Variants in HIVEP2 observed in about 807,000 individuals in gnomAD.
HIVEP2 encodes the protein transcription factor HIVEP2.
A neutral mutation model predicts 180.7 loss-of-function variants in HIVEP2; 14 were observed. The observed-to-expected ratio is 0.08, with a 90% confidence interval of 0.05 to 0.12. The LOEUF (loss-of-function observed/expected upper bound fraction) is 0.12, where lower values mean the gene tolerates loss of function less well. Ranked by LOEUF, HIVEP2 falls within the 10% of genes least tolerant of loss-of-function variation. The pLI is 1.00. For missense variants in HIVEP2, 2,579 were observed against 3,008.5 expected, an observed-to-expected ratio of 0.86 and a Z score of 3.34; for synonymous variants, 1,184 against 1,136.4, an observed-to-expected ratio of 1.04 and a Z score of -0.84.
At chr6:142,858,279 T>C (rs1359766351) in intron 1 of HIVEP2, among the ~76,000 whole-genome samples, 1 of 152,146 alleles carries the variant, frequency 6.6e-6, no homozygotes, top group Admixed American at 6.5e-5. Context: ...TCCTGGTGCC[T>C]GACCCCCTCA....
intron 1 of HIVEP2, among the ~76,000 whole-genome samples, chr6:142,866,364 C>T (rs753171505): frequency 2.2e-4 from 34 of 152,220 alleles, no homozygotes; most frequent in Admixed American, 4.6e-4. Context: ...TAATAAATCA[C>T]TGAGCATAAT....
rs1040250962 is a variant in HIVEP2 at position 142,810,853 on chromosome 6, C to T, written c.-528+26082G>A. Among the ~76,000 whole-genome samples the T allele has an allele frequency of 3.3e-5, 5 of 150,126 alleles. No individual in the cohort carries two copies. The South Asian group carries it at 1.1e-3, about 32-fold the overall frequency. ...TAAGGCTATAGGATCTGTCTTCAAA[C>T]TGATTTCTGCTTCATGGTTTTCCAA... is the stretch of plus-strand genomic sequence containing the variant. On this transcript the variant is annotated intron_variant, in intron 2 of 9. Transcript: ENST00000367603.
At chr6:142,866,604 C>G (rs952935387) in intron 1 of HIVEP2, among the ~76,000 whole-genome samples, 2 of 152,118 alleles carry the variant, frequency 1.3e-5, no homozygotes, top group African/African-American at 4.8e-5. Context: ...AGCATTTAGT[C>G]TGGGAGATTC....
intron 2 of HIVEP2, among the ~76,000 whole-genome samples, chr6:142,822,393 C>G (rs1777064635): frequency 6.6e-6 from 1 of 152,072 alleles, no homozygotes; most frequent in Non-Finnish European, 1.5e-5. Context: ...AGATATAGTG[C>G]AGGTCTAATA....
rs766251373 is a variant in HIVEP2, at chr6:142,759,961, C to T, written c.6327G>A (p.Arg2109=). The T allele has an allele frequency of 1.9e-6, 3 of 1,613,910 alleles. No individual in the cohort carries two copies. The highest frequency in any genetic ancestry group is 2.5e-6 in the Non-Finnish European group (3 of 1,179,938). ...ACACTGGCCTCCTTGGAGACAAATG[C>T]CTTCTTGGTGAAACATCTCTTTGGG... ...EMSQRDVSPR[R]HLSPRRPVSP... The change falls in exon 9 of 10, where the codon AGG becomes AGA. Residue 2109 remains arginine, a synonymous_variant. Transcript: ENST00000367603.
intron 1 of HIVEP2, among the ~76,000 whole-genome samples, chr6:142,853,995 A>T (rs1360514486): frequency 6.6e-6 from 1 of 152,016 alleles, no homozygotes; most frequent in Non-Finnish European, 1.5e-5. Context: ...GTTGCCATTC[A>T]CTCTGTCACT....
chr6:142,910,127 G>A (rs78506227), intron 1 of HIVEP2, among the ~76,000 whole-genome samples: 1,561 of 152,292 alleles, frequency 0.01, 11 homozygotes, highest in Non-Finnish European at 0.015. Flanking sequence ...AACAAGCTCT[G>A]AGTGAAGGCT....
At chr6:142,834,219 T>A in intron 2 of HIVEP2, among the ~76,000 whole-genome samples, 1 of 152,100 alleles carries the variant, frequency 6.6e-6, no homozygotes, top group East Asian at 1.9e-4. Flanking sequence ...TATAAAGGCA[T>A]ATCAAAGAGA....
intron 2 of HIVEP2, among the ~76,000 whole-genome samples, chr6:142,825,202 T>C (rs1274749657): frequency 6.6e-6 from 1 of 152,152 alleles, no homozygotes; most frequent in Non-Finnish European, 1.5e-5. Flanking sequence ...AGTATTTGTT[T>C]AAAGATCTCT....
chr6:142,892,562 G>A (rs12196051), intron 1 of HIVEP2, among the ~76,000 whole-genome samples: 6,829 of 152,260 alleles, frequency 0.045, 204 homozygotes, highest in Middle Eastern at 0.088. Context: ...TTAATGATAA[G>A]ACAGAAGTGA....
At chr6:142,851,012 G>GA (rs1205474207) in intron 1 of HIVEP2, among the ~76,000 whole-genome samples, 1 of 151,898 alleles carries the variant, frequency 6.6e-6, no homozygotes, top group East Asian at 1.9e-4. Flanking sequence ...AAAAATTCAG[G>GA]AAAAAAAGTG....
At chr6:142,790,349 T>C (rs1254716528) in intron 2 of HIVEP2, among the ~76,000 whole-genome samples, 2 of 152,226 alleles carry the variant, frequency 1.3e-5, no homozygotes, top group Non-Finnish European at 2.9e-5. Flanking sequence ...TTCCCATTTT[T>C]ATTTTTTTCC....
chr6:142,898,670 A>T (rs1777059257), intron 1 of HIVEP2, among the ~76,000 whole-genome samples: 1 of 152,144 alleles, frequency 6.6e-6, no homozygotes, highest in Non-Finnish European at 1.5e-5. Flanking sequence ...AAATAAATGA[A>T]TTAAAATTAA....
At position 142,771,524 on chromosome 6, in the gene HIVEP2, G is replaced by T. The variant is rs765548302; in HGVS notation, c.3215C>A (p.Ser1072Tyr). The change falls in exon 5 of 10, where the codon TCC becomes TAC. Residue 1072 changes from serine (S) to tyrosine (Y), a missense_variant. Physicochemically the swap from Ser to Tyr is moderately radical, Grantham distance 144 (BLOSUM62 -2). Coordinates refer to ENST00000367603, the MANE Select transcript of HIVEP2 (RefSeq NM_006734.4). This position sits in a 1 kb window ranked among gnomAD's most constrained non-coding sequence, Gnocchi z 5.4. The stretch of plus-strand genomic sequence containing the variant: ...CAGAAAGCATTTCTTCCTCTCCCTG[G>T]ACGGTGATACCGTGGAGGCTGCTGC... ...SGAAASTVSP[S>Y]RERKKCFLVR... The T allele has an allele frequency of 1.5e-5, 25 of 1,613,760 alleles. No individual in the cohort carries two copies.
At chr6:142,849,148 G>A (rs1042694980) in intron 1 of HIVEP2, among the ~76,000 whole-genome samples, 1 of 152,176 alleles carries the variant, frequency 6.6e-6, no homozygotes, top group Non-Finnish European at 1.5e-5. Context: ...GTACACAAAT[G>A]TGTTTTATGA....
intron 9 of HIVEP2, among the ~76,000 whole-genome samples, chr6:142,758,394 G>T (rs1775134243): frequency 6.6e-6 from 1 of 152,174 alleles, no homozygotes; most frequent in Non-Finnish European, 1.5e-5. Context: ...AGGATTCAGG[G>T]TGGTGGAAGG....
intron 2 of HIVEP2, among the ~76,000 whole-genome samples, chr6:142,821,129 T>C (rs1219038252): frequency 2.0e-5 from 3 of 152,138 alleles, no homozygotes; most frequent in African/African-American, 7.2e-5. Flanking sequence ...ACTTTTTGGG[T>C]ATGAACATAT....
At chr6:142,893,278 A>T (rs747276269) in intron 1 of HIVEP2, among the ~76,000 whole-genome samples, 2 of 152,246 alleles carry the variant, frequency 1.3e-5, no homozygotes, top group Non-Finnish European at 2.9e-5. Flanking sequence ...AAATGAGGTC[A>T]TCATATGTGT....
intron 9 of HIVEP2, among the ~76,000 whole-genome samples, chr6:142,758,171 C>A (rs1270281953): frequency 1.3e-5 from 2 of 152,194 alleles, no homozygotes; most frequent in Admixed American, 6.5e-5. Flanking sequence ...CCTACTTTTG[C>A]TAAGGCACCA....
Sources: allele counts gnomAD v4.1 joint callset (sites outside exome capture counted in the v4.1 genomes callset), GRCh38; gene constraint gnomAD v4.1.1; non-coding constraint Gnocchi (gnomAD v3.1); transcripts MANE v1.5; gene names NCBI Gene and HGNC (gene_info 2026-07-23, HGNC 2026-07-21).